The following GABRB1 variants were observed in gnomAD, a reference collection of about 807,000 sequenced individuals.
The protein encoded by GABRB1 is gamma-aminobutyric acid type A receptor subunit beta1.
GABRB1 carries 17 observed loss-of-function variants against 51.6 expected under a neutral mutation model. The ratio of observed to expected loss-of-function variants is 0.33; its 90% CI spans 0.23 to 0.49. The LOEUF (loss-of-function observed/expected upper bound fraction) is 0.49, where lower values mean the gene tolerates loss of function less well. Among genes scored for constraint, GABRB1 ranks in the 20% least tolerant of loss-of-function variants. The pLI is 0.99. For synonymous variants in GABRB1, 247 were observed against 218.9 expected (o/e 1.13, Z -1.14); for missense variants, 410 against 600.6 (o/e 0.68, Z 3.32).
chr4:47,383,633 A>G, intron 5 of GABRB1, among the ~76,000 whole-genome samples: 1 of 152,318 alleles, frequency 6.6e-6, no homozygotes, highest in Middle Eastern at 3.4e-3. Context: ...GAATGGGTTC[A>G]TATCATTTAT....
At chr4:47,424,651 T>C (rs1416731843) in intron 8 of GABRB1, among the ~76,000 whole-genome samples, 1 of 152,224 alleles carries the variant, frequency 6.6e-6, no homozygotes, top group Admixed American at 6.5e-5. Context: ...GGCATTATGC[T>C]AATACACATG....
chr4:47,041,431 T>C (rs894674245), intron 3 of GABRB1, among the ~76,000 whole-genome samples: 3 of 152,004 alleles, frequency 2.0e-5, no homozygotes, highest in Admixed American at 6.6e-5. Context: ...GGCCCTTAGG[T>C]AGCTGTTAGC....
chr4:47,382,028 A>G lies in GABRB1; in HGVS notation c.545-21290A>G, dbSNP rs1308043152. Among the ~76,000 whole-genome samples the G allele has an allele frequency of 3.3e-5, 5 of 152,296 alleles. No individual in the cohort carries two copies. In the East Asian group the frequency reaches 9.6e-4, roughly 29 times the overall value. On this transcript the variant is annotated intron_variant, in intron 5 of 8. Coordinates refer to ENST00000295454, the MANE Select transcript of GABRB1 (RefSeq NM_000812.4). Reference sequence around the variant, plus strand: ...GGATAAGGTGCTTGGATTATAGTGAAGAAATTCTATTGTGACTGAATTACA... The same window carrying G: ...GGATAAGGTGCTTGGATTATAGTGAGGAAATTCTATTGTGACTGAATTACA...
At chr4:47,273,762 C>A (rs1037288340) in intron 4 of GABRB1, among the ~76,000 whole-genome samples, 1 of 151,678 alleles carries the variant, frequency 6.6e-6, no homozygotes, top group Non-Finnish European at 1.5e-5. Flanking sequence ...ATGAGGGCAT[C>A]CCACCCAGAC....
chr4:47,260,540 A>G, intron 4 of GABRB1, among the ~76,000 whole-genome samples: 1 of 152,148 alleles, frequency 6.6e-6, no homozygotes, highest in East Asian at 1.9e-4. Context: ...AAAATCTCTC[A>G]GCATTTGATT....
intron 4 of GABRB1, among the ~76,000 whole-genome samples, chr4:47,315,935 A>G (rs1267705138): frequency 1.3e-5 from 2 of 151,874 alleles, no homozygotes; most frequent in Non-Finnish European, 2.9e-5. Context: ...CCTATTGGAT[A>G]CTATGACTAT....
intron 4 of GABRB1, among the ~76,000 whole-genome samples, chr4:47,204,905 A>G (rs1033728530): frequency 2.6e-5 from 4 of 152,172 alleles, no homozygotes; most frequent in African/African-American, 9.6e-5. Flanking sequence ...ACCCATCAAG[A>G]AAACTATTCA....
At chr4:47,217,500 C>T (rs1275663635) in intron 4 of GABRB1, among the ~76,000 whole-genome samples, 6 of 151,718 alleles carry the variant, frequency 4.0e-5, no homozygotes, top group African/African-American at 4.8e-5. Flanking sequence ...TCTACCTGTT[C>T]ATGCTTGTCT....
intron 4 of GABRB1, among the ~76,000 whole-genome samples, chr4:47,286,704 AT>A (rs1723523499): frequency 6.6e-6 from 1 of 152,276 alleles, no homozygotes; most frequent in Non-Finnish European, 1.5e-5. Context: ...AGCATGGATA[AT>A]GAGTAAGCAA....
intron 4 of GABRB1, among the ~76,000 whole-genome samples, chr4:47,317,072 G>A (rs1481066975): frequency 6.6e-6 from 1 of 151,882 alleles, no homozygotes; most frequent in Non-Finnish European, 1.5e-5. Flanking sequence ...ATTGTAGCAG[G>A]ATGTCTTAAC....
At chr4:47,354,036 G>A (rs1248843915) in intron 5 of GABRB1, among the ~76,000 whole-genome samples, 1 of 152,008 alleles carries the variant, frequency 6.6e-6, no homozygotes, top group South Asian at 2.1e-4. Context: ...CTCCTTTATA[G>A]GTTGGGAAAT....
At chr4:47,088,369 G>T (rs1728163418) in intron 3 of GABRB1, among the ~76,000 whole-genome samples, 1 of 152,152 alleles carries the variant, frequency 6.6e-6, no homozygotes, top group Admixed American at 6.5e-5. Context: ...TTTAATTCAG[G>T]AGATACAGGA....
At chr4:47,098,784 C>T (rs1714586218) in intron 3 of GABRB1, among the ~76,000 whole-genome samples, 1 of 151,952 alleles carries the variant, frequency 6.6e-6, no homozygotes, top group Non-Finnish European at 1.5e-5. Flanking sequence ...TATTGTGATG[C>T]CCAGTATTGT....
At chr4:47,022,829 T>C (rs1362278516) in intron 1 of GABRB1, among the ~76,000 whole-genome samples, 1 of 152,070 alleles carries the variant, frequency 6.6e-6, no homozygotes, top group Non-Finnish European at 1.5e-5. Context: ...TAGGTATTTA[T>C]CCAAAAGAAA....
chr4:47,298,488 A>G (rs1159519365), intron 4 of GABRB1, among the ~76,000 whole-genome samples: 1 of 152,224 alleles, frequency 6.6e-6, no homozygotes. Context: ...CCCATTCACA[A>G]TTGCTTCAAA....
intron 4 of GABRB1, among the ~76,000 whole-genome samples, chr4:47,254,359 T>C (rs1722104385): frequency 1.4e-5 from 1 of 71,034 alleles, no homozygotes; most frequent in South Asian, 8.3e-4. Flanking sequence ...TTTCTTTTCT[T>C]TGTTTTTTTT....
intron 4 of GABRB1, among the ~76,000 whole-genome samples, chr4:47,292,096 C>A (rs935855516): frequency 2.0e-5 from 3 of 152,128 alleles, no homozygotes; most frequent in South Asian, 4.1e-4. Flanking sequence ...GGGTGGGACC[C>A]AGTGGGAGGT....
At chr4:47,300,098 G>C (rs1724191801) in intron 4 of GABRB1, among the ~76,000 whole-genome samples, 1 of 116,654 alleles carries the variant, frequency 8.6e-6, no homozygotes, top group African/African-American at 3.2e-5. Flanking sequence ...TGTGGGGTGG[G>C]GGGAGGGGGG....
In GABRB1 at chr4:47,161,268, A is replaced by T; in HGVS notation, c.260A>T (p.Tyr87Phe). 1.2e-6 allele frequency: 2 copies of T among 1,604,462 alleles called. No homozygotes were observed. ...EVNMDYTLTM[Y>F]FQQSWKDKRL... ...TCACAGGATTATACACTCACCATGTATTTCCAGCAGTCTTGGAAAGACAAA... is the reference window on the plus strand; with the variant it reads ...TCACAGGATTATACACTCACCATGTTTTTCCAGCAGTCTTGGAAAGACAAA... Residue 87 changes from tyrosine to phenylalanine, a missense_variant, in exon 4 of 9, where the codon TAT becomes TTT. By Grantham distance (22) the Tyr-to-Phe change is conservative. Coordinates refer to ENST00000295454, the MANE Select transcript of GABRB1 (RefSeq NM_000812.4).
Sources: allele counts gnomAD v4.1 joint callset (sites outside exome capture counted in the v4.1 genomes callset), GRCh38; gene constraint gnomAD v4.1.1; transcripts MANE v1.5; gene names NCBI Gene and HGNC (gene_info 2026-07-23, HGNC 2026-07-21).